LRRTM4: variants seen among roughly 807,000 people sequenced by gnomAD.
LRRTM4 encodes leucine rich repeat transmembrane neuronal 4, also known as leucine-rich repeat transmembrane neuronal protein 4.
In LRRTM4, 25 loss-of-function variants were observed where a neutral mutation model predicts 47.6. The observed-to-expected ratio is 0.53, with a 90% CI of 0.38 to 0.73. The LOEUF (loss-of-function observed/expected upper bound fraction) is 0.73. Ranked by LOEUF, LRRTM4 falls within the 30% of genes least tolerant of loss-of-function variation. The pLI is 0.00. For synonymous variants in LRRTM4, 311 were observed against 269.5 expected (o/e 1.15, Z -1.51); for missense variants, 638 against 713.4 (o/e 0.89, Z 1.20).
intron 3 of LRRTM4, among the ~76,000 whole-genome samples, chr2:76,999,039 A>C (rs1677313714): frequency 6.6e-6 from 1 of 152,002 alleles, no homozygotes; most frequent in Admixed American, 6.6e-5. Context: ...CTCATCCTGA[A>C]GTTTTTGACT....
intron 3 of LRRTM4, among the ~76,000 whole-genome samples, chr2:77,049,255 A>G (rs1459165673): frequency 6.7e-6 from 1 of 150,256 alleles, no homozygotes; most frequent in Non-Finnish European, 1.5e-5. Context: ...ATGCTACAAT[A>G]AACGTGGGAA....
intron 3 of LRRTM4, among the ~76,000 whole-genome samples, chr2:76,805,320 G>A (rs1474762749): frequency 6.6e-6 from 1 of 152,090 alleles, no homozygotes; most frequent in Non-Finnish European, 1.5e-5. Context: ...CAATTTGTCT[G>A]CCACAGCCAG....
intron 3 of LRRTM4, among the ~76,000 whole-genome samples, chr2:77,115,078 C>T (rs1013442359): frequency 6.6e-6 from 1 of 152,022 alleles, no homozygotes; most frequent in African/African-American, 2.4e-5. Context: ...ACAGACACTC[C>T]CAGAGCAGCC....
intron 3 of LRRTM4, among the ~76,000 whole-genome samples, chr2:77,272,169 A>G (rs1274474872): frequency 6.6e-6 from 1 of 152,152 alleles, no homozygotes; most frequent in African/African-American, 2.4e-5. Flanking sequence ...GCGTCTATCA[A>G]CATATATTAC....
At chr2:76,892,867 T>A (rs1056785536) in intron 3 of LRRTM4, among the ~76,000 whole-genome samples, 1 of 151,644 alleles carries the variant, frequency 6.6e-6, no homozygotes, top group Admixed American at 6.6e-5. Flanking sequence ...TTGGGAAATA[T>A]TGACTCAGAT....
At chr2:77,218,624 T>C (rs1674527101) in intron 3 of LRRTM4, among the ~76,000 whole-genome samples, 1 of 151,950 alleles carries the variant, frequency 6.6e-6, no homozygotes, top group African/African-American at 2.4e-5. Flanking sequence ...TGAGAAAGAG[T>C]TGGAGAATTT....
At chr2:77,089,073 G>A (rs944960796) in intron 3 of LRRTM4, among the ~76,000 whole-genome samples, 4 of 152,062 alleles carry the variant, frequency 2.6e-5, no homozygotes, top group Non-Finnish European at 5.9e-5. Context: ...ATACGCCCAC[G>A]TTTCAAGGGT....
At chr2:77,207,260 T>C (rs1254413858) in intron 3 of LRRTM4, among the ~76,000 whole-genome samples, 1 of 146,192 alleles carries the variant, frequency 6.8e-6, no homozygotes, top group Non-Finnish European at 1.5e-5. Flanking sequence ...TACACATATA[T>C]GAAGTACACA....
chr2:76,809,609 G>A (rs1670667632), intron 3 of LRRTM4, among the ~76,000 whole-genome samples: 1 of 151,902 alleles, frequency 6.6e-6, no homozygotes, highest in Non-Finnish European at 1.5e-5. Flanking sequence ...TTCCATTCTT[G>A]CCTCCCCTAC....
At chr2:77,350,741 TAA>T (rs1434013267) in intron 3 of LRRTM4, among the ~76,000 whole-genome samples, 1 of 152,068 alleles carries the variant, frequency 6.6e-6, no homozygotes, top group Non-Finnish European at 1.5e-5. Context: ...GGAAAAATAA[TAA>T]ATGATATGAA....
intron 3 of LRRTM4, among the ~76,000 whole-genome samples, chr2:76,809,494 C>T (rs915601827): frequency 3.3e-5 from 5 of 152,108 alleles, no homozygotes; most frequent in Admixed American, 1.3e-4. Flanking sequence ...AGTAACTTTA[C>T]TGGGGGGAAA....
chr2:77,113,134 C>G (rs981880274), intron 3 of LRRTM4, among the ~76,000 whole-genome samples: 8 of 152,054 alleles, frequency 5.3e-5, no homozygotes, highest in African/African-American at 1.9e-4. Flanking sequence ...GCATAAATAT[C>G]AGAGAAGTCA....
intron 3 of LRRTM4, among the ~76,000 whole-genome samples, chr2:77,063,764 A>T (rs1679868255): frequency 6.6e-6 from 1 of 152,206 alleles, no homozygotes; most frequent in Non-Finnish European, 1.5e-5. Flanking sequence ...CCATCCTGCC[A>T]AATGTTTATT....
intron 3 of LRRTM4, among the ~76,000 whole-genome samples, chr2:77,296,147 T>C (rs1467879323): frequency 6.6e-6 from 1 of 152,138 alleles, no homozygotes; most frequent in East Asian, 1.9e-4. Flanking sequence ...GTTGAAAAAT[T>C]TCAACCTGAA....
intron 3 of LRRTM4, among the ~76,000 whole-genome samples, chr2:76,781,363 C>T (rs901338515): frequency 6.6e-6 from 1 of 152,252 alleles, no homozygotes. Context: ...TGGCTGCCGC[C>T]TTGCAGTTTG....
chr2:77,047,434 T>A (rs78607512), intron 3 of LRRTM4, among the ~76,000 whole-genome samples: 3,558 of 152,096 alleles, frequency 0.023, 156 homozygotes, highest in African/African-American at 0.081. Context: ...AGATCTAGGT[T>A]TCTGGAGTGT....
At chr2:77,230,083 G>C (rs776906756) in intron 3 of LRRTM4, among the ~76,000 whole-genome samples, 40 of 151,992 alleles carry the variant, frequency 2.6e-4, no homozygotes, top group Admixed American at 4.6e-4. Flanking sequence ...CCTGTTTATT[G>C]ACACATAAAA....
At chr2:77,438,675 G>A (rs1156592418) in intron 3 of LRRTM4, among the ~76,000 whole-genome samples, 1 of 151,844 alleles carries the variant, frequency 6.6e-6, no homozygotes, top group Admixed American at 6.6e-5. Context: ...CAAAGGGCTG[G>A]GATTACAGGC....
chr2:76,850,143 A>G (rs1226229428), intron 3 of LRRTM4, among the ~76,000 whole-genome samples: 1 of 152,136 alleles, frequency 6.6e-6, no homozygotes, highest in African/African-American at 2.4e-5. Context: ...TTTCAAGTTA[A>G]ACCCATTACT....
Sources: allele counts gnomAD v4.1 joint callset (sites outside exome capture counted in the v4.1 genomes callset), GRCh38; gene constraint gnomAD v4.1.1; transcripts MANE v1.5; gene names NCBI Gene and HGNC (gene_info 2026-07-23, HGNC 2026-07-21).